The following CNTLN variants were observed in gnomAD, a reference collection of about 807,000 sequenced individuals.
The protein encoded by CNTLN is centlein, also known as centlein, centrosomal protein.
In CNTLN, 212 loss-of-function variants were observed where a neutral mutation model predicts 180.0. The observed-to-expected ratio is 1.18, with a 90% CI of 1.05 to 1.32. CNTLN has a LOEUF of 1.32. CNTLN is among the 40% of genes most tolerant of loss of function. The probability of loss-of-function intolerance (pLI) is 0.00; values close to 1 mark genes in which losing one functional copy is unlikely to be tolerated. For missense variants in CNTLN, 2,095 were observed against 1,610.9 expected, an observed-to-expected ratio of 1.30 and a Z score of -5.14; for synonymous variants, 722 against 563.1, an observed-to-expected ratio of 1.28 and a Z score of -3.99.
At chr9:17,526,716 TTAAGAACAATAG>T in the CNTLN span, among the ~76,000 whole-genome samples, 39 of 149,714 alleles carry the variant, frequency 2.6e-4, 1 homozygote, top group East Asian at 7.1e-3. Flanking sequence ...TCTAAGAGCT[TTAAGAACAATAG>T]TAAAACATGT....
At chr9:17,282,271 A>G (rs1828712857) in intron 6 of CNTLN, among the ~76,000 whole-genome samples, 1 of 152,020 alleles carries the variant, frequency 6.6e-6, no homozygotes, top group African/African-American at 2.4e-5. Flanking sequence ...ACTTCTTAAT[A>G]ATATCCATTC....
chr9:17,214,896 A>G (rs895619033), intron 2 of CNTLN, among the ~76,000 whole-genome samples: 1 of 152,186 alleles, frequency 6.6e-6, no homozygotes, highest in African/African-American at 2.4e-5. Flanking sequence ...CATGGTTTTC[A>G]GCTCCATCAG....
chr9:17,403,656 A>G (rs950268066), intron 15 of CNTLN, among the ~76,000 whole-genome samples: 2 of 151,702 alleles, frequency 1.3e-5, no homozygotes, highest in African/African-American at 4.9e-5. Flanking sequence ...TCCCTATGAT[A>G]TTGCAGAAAA....
chr9:17,495,829 T>C (rs1158917116), intron 25 of CNTLN, among the ~76,000 whole-genome samples: 1 of 152,162 alleles, frequency 6.6e-6, no homozygotes, highest in Non-Finnish European at 1.5e-5. Flanking sequence ...TAAAGTCTTC[T>C]ATACCATATT....
intron 13 of CNTLN, among the ~76,000 whole-genome samples, chr9:17,372,264 T>C (rs377605408): frequency 1.8e-4 from 27 of 152,012 alleles, no homozygotes; most frequent in African/African-American, 6.0e-4. Context: ...TGTGAAAAAG[T>C]AGACATTACA....
intron 18 of CNTLN, among the ~76,000 whole-genome samples, chr9:17,419,941 G>T (rs1377616423): frequency 6.6e-6 from 1 of 152,156 alleles, no homozygotes; most frequent in Non-Finnish European, 1.5e-5. Context: ...TTGAGACGGA[G>T]TCTCACTCTG....
intron 8 of CNTLN, among the ~76,000 whole-genome samples, chr9:17,316,305 A>G (rs1406675539): frequency 6.6e-6 from 1 of 151,994 alleles, no homozygotes; most frequent in African/African-American, 2.4e-5. Flanking sequence ...CCATACTTTT[A>G]CATTCAATAT....
At chr9:17,196,015 T>C (rs983686330) in intron 2 of CNTLN, among the ~76,000 whole-genome samples, 1 of 151,636 alleles carries the variant, frequency 6.6e-6, no homozygotes, top group East Asian at 1.9e-4. Flanking sequence ...TAGATCAGAG[T>C]TTTTTATTAT....
chr9:17,403,152 G>T (rs79679811), intron 15 of CNTLN, among the ~76,000 whole-genome samples: 5 of 151,658 alleles, frequency 3.3e-5, no homozygotes, highest in Non-Finnish European at 7.4e-5. Context: ...GGGGAGGTTC[G>T]TGGATGGACC....
chr9:17,212,233 A>G (rs1050801333), intron 2 of CNTLN, among the ~76,000 whole-genome samples: 9 of 152,234 alleles, frequency 5.9e-5, no homozygotes, highest in Non-Finnish European at 1.2e-4. Context: ...CGTCCCACCA[A>G]TACCTAATTT....
chr9:17,348,829 C>G (rs1011429646), intron 12 of CNTLN, among the ~76,000 whole-genome samples: 3 of 151,906 alleles, frequency 2.0e-5, no homozygotes, highest in Non-Finnish European at 4.4e-5. Context: ...CGTGCCTGGC[C>G]CTCACTCTGC....
rs777634556 is a variant in CNTLN at position 17,484,460 on chromosome 9, T to A, written c.4021T>A (p.Leu1341Ile). 6.2e-7 allele frequency: 1 copy of A among 1,601,416 alleles called. No homozygotes were observed. The highest frequency in any genetic ancestry group is 1.8e-5 in the Admixed American group (1 of 56,194). ...NISRSDLEEI[L>I]DTEDQVEIEK... ...TTCACGGTCAGATTTAGAGGAAATA[T>A]TAGACACAGAAGATCAAGTGGTAAG... is the stretch of plus-strand genomic sequence containing the variant. The change falls in exon 24 of 26, where the codon TTA becomes ATA. Residue 1341 changes from leucine (L) to isoleucine (I), a missense_variant. By Grantham distance (5) the Leu-to-Ile change is conservative. Transcript: ENST00000380647.
chr9:17,448,581 G>C (rs1002267617), intron 18 of CNTLN: 1 of 152,158 alleles, frequency 6.6e-6, no homozygotes, highest in South Asian at 2.1e-4. Context: ...GAGCTCCCCA[G>C]GCCTGACCAA....
intron 5 of CNTLN, among the ~76,000 whole-genome samples, chr9:17,269,915 G>A (rs1304733784): frequency 1.3e-5 from 2 of 152,034 alleles, no homozygotes; most frequent in Non-Finnish European, 2.9e-5. Context: ...TTTGTTTTAA[G>A]ATTTATTTCT....
intron 5 of CNTLN, among the ~76,000 whole-genome samples, chr9:17,238,831 A>G (rs1398517618): frequency 6.6e-6 from 1 of 152,126 alleles, no homozygotes; most frequent in Non-Finnish European, 1.5e-5. Context: ...TTGGGTATAT[A>G]CTTAGGAGTG....
chr9:17,313,319 G>A (rs1056000865), intron 8 of CNTLN, among the ~76,000 whole-genome samples: 2 of 151,940 alleles, frequency 1.3e-5, no homozygotes, highest in Non-Finnish European at 2.9e-5. Context: ...TAATATGATT[G>A]GGTTTAGGTG....
intron 5 of CNTLN, among the ~76,000 whole-genome samples, chr9:17,265,616 C>T (rs1022423867): frequency 6.6e-6 from 1 of 152,206 alleles, no homozygotes; most frequent in African/African-American, 2.4e-5. Context: ...TGGAGTGGTA[C>T]CAGCTCCTCT....
At chr9:17,438,424 G>C (rs567013384) in intron 18 of CNTLN, among the ~76,000 whole-genome samples, 2 of 152,190 alleles carry the variant, frequency 1.3e-5, no homozygotes, top group South Asian at 2.1e-4. Flanking sequence ...AGAAAAAAGA[G>C]GTATTTAAGA....
At position 17,503,898 on chromosome 9, in the gene CNTLN, T is replaced by C. The variant is rs1833871726; in HGVS notation, c.*1246T>C. 6.6e-6 allele frequency: 1 copy of C among 152,302 alleles called. No homozygotes were observed. Among genetic ancestry groups the C allele is most frequent in the South Asian group, 2.1e-4 (1 of 4,826 alleles). The allele number at this position is 152,302 out of a possible 1,614,324, so 9.4% of individuals were successfully genotyped here. The stretch of plus-strand genomic sequence containing the variant: ...TATATAAAATTCAAATTTTGGTGTC[T>C]GTTAATAAAGTTTTATTGGAACACA... On this transcript the variant is annotated 3_prime_UTR_variant, in exon 26 of 26. Coordinates refer to ENST00000380647, the MANE Select transcript of CNTLN (RefSeq NM_017738.4).
Sources: allele counts gnomAD v4.1 joint callset (sites outside exome capture counted in the v4.1 genomes callset), GRCh38; gene constraint gnomAD v4.1.1; transcripts MANE v1.5; gene names NCBI Gene and HGNC (gene_info 2026-07-23, HGNC 2026-07-21).